ROR2: variants seen among roughly 807,000 people sequenced by gnomAD.
ROR2 encodes ROR family WNT receptor 2, also known as tyrosine-protein kinase transmembrane receptor ROR2.
In ROR2, 33 loss-of-function variants were observed where a neutral mutation model predicts 74.9. The ratio of observed to expected loss-of-function variants is 0.44; its 90% confidence interval spans 0.33 to 0.59. The LOEUF (loss-of-function observed/expected upper bound fraction) is 0.59. Ranked by LOEUF, ROR2 falls within the 20% of genes least tolerant of loss-of-function variation. The probability of loss-of-function intolerance (pLI) is 0.02; values close to 1 mark genes in which losing one functional copy is unlikely to be tolerated. For synonymous variants in ROR2, 586 were observed against 558.7 expected (o/e 1.05, Z -0.69); for missense variants, 1,216 against 1,313.8 (o/e 0.93, Z 1.15).
intron 1 of ROR2, among the ~76,000 whole-genome samples, chr9:91,896,950 T>C (rs1830551932): frequency 6.6e-6 from 1 of 152,132 alleles, no homozygotes; most frequent in Admixed American, 6.5e-5. Context: ...TCTCCCTAAG[T>C]CCTCTCTGCC....
At chr9:91,947,030 A>C (rs889044999) in intron 1 of ROR2, among the ~76,000 whole-genome samples, 8 of 152,238 alleles carry the variant, frequency 5.3e-5, no homozygotes, top group Non-Finnish European at 1.2e-4. Context: ...CACACTTAAG[A>C]GAGAGACATA....
At position 91,726,455 on chromosome 9, in the gene ROR2, A is replaced by AT. The variant is rs144966625; in HGVS notation, c.1386+85dup. 2,402 of 1,270,238 alleles carry AT rather than the reference A, an allele frequency of 1.9e-3. 33 individuals carry two copies. The African/African-American group carries it at 0.03, about 16-fold the overall frequency. 78.7% of individuals were successfully genotyped at this position (1,270,238 alleles called of 1,614,324 possible). On this transcript the variant is annotated intron_variant, in intron 8 of 8. Transcript: ENST00000375708. ...TAATTATGTGCTATGTATCAAGTAA[A>AT]TTAAGACATTTAATGTTGGGGGAAA...
Position 91,725,123 on chromosome 9 carries a change from G to T in ROR2, c.1387-16C>A. 6.2e-7 allele frequency: 1 copy of T among 1,612,824 alleles called. No homozygotes were observed. Among genetic ancestry groups the T allele is most frequent in the Non-Finnish European group, 8.5e-7 (1 of 1,180,018 alleles). On this transcript the variant is annotated splice_polypyrimidine_tract_variant and intron_variant, in intron 8 of 8. Transcript: ENST00000375708. ...TGAGTTTGGCCTGTCAAGAAGAAAAGCCCCACGTGAAACATCACTGTCACC... is the reference window on the plus strand; with the variant it reads ...TGAGTTTGGCCTGTCAAGAAGAAAATCCCCACGTGAAACATCACTGTCACC...
chr9:91,904,007 G>A (rs1243799621), intron 1 of ROR2, among the ~76,000 whole-genome samples: 1 of 151,454 alleles, frequency 6.6e-6, no homozygotes, highest in East Asian at 1.9e-4. Context: ...GCCCTGACAG[G>A]TCATCCTTTT....
At position 91,778,805 on chromosome 9, in the gene ROR2, CAG is replaced by C. The variant is rs563074869; in HGVS notation, c.98-2989_98-2988del. ...GGTCATTTTCACTGTAAAAACATCA[CAG>C]AGTGGCGAGGTGAAGCCAGAGGGAA... On this transcript the variant is annotated intron_variant, in intron 1 of 8. Transcript: ENST00000375708. Among the ~76,000 whole-genome samples, 164 of 152,294 alleles carry C rather than the reference CAG, an allele frequency of 1.1e-3. 1 individual carries two copies. The highest frequency in any genetic ancestry group is 3.6e-3 in the African/African-American group (148 of 41,566).
intron 2 of ROR2, among the ~76,000 whole-genome samples, chr9:91,772,406 C>A (rs1477506855): frequency 6.6e-6 from 1 of 152,212 alleles, no homozygotes; most frequent in Non-Finnish European, 1.5e-5. Flanking sequence ...GTGCTCCCAT[C>A]TTGAAACTGT....
At chr9:91,749,292 T>C (rs1825531894) in intron 4 of ROR2, among the ~76,000 whole-genome samples, 1 of 152,212 alleles carries the variant, frequency 6.6e-6, no homozygotes, top group Non-Finnish European at 1.5e-5. Context: ...CAACAGAATG[T>C]ATTTTCTCAC....
At chr9:91,857,302 C>T (rs1407520451) in intron 1 of ROR2, among the ~76,000 whole-genome samples, 1 of 152,210 alleles carries the variant, frequency 6.6e-6, no homozygotes, top group African/African-American at 2.4e-5. Flanking sequence ...CAGGAACCAC[C>T]CGCAGCCAGG....
At chr9:91,891,980 A>C (rs1419509598) in intron 1 of ROR2, among the ~76,000 whole-genome samples, 2 of 150,624 alleles carry the variant, frequency 1.3e-5, no homozygotes, top group East Asian at 4.0e-4. Context: ...CCCAGGAGGC[A>C]GAGGTTGCAG....
chr9:91,774,840 A>C (rs1388772003), intron 2 of ROR2, among the ~76,000 whole-genome samples: 1 of 152,222 alleles, frequency 6.6e-6, no homozygotes, highest in Non-Finnish European at 1.5e-5. Flanking sequence ...AAGGAAGTCA[A>C]GATAAAACAA....
At chr9:91,810,713 C>T (rs570963845) in intron 1 of ROR2, among the ~76,000 whole-genome samples, 2 of 152,334 alleles carry the variant, frequency 1.3e-5, no homozygotes, top group South Asian at 2.1e-4. Flanking sequence ...CAGGCAGCAC[C>T]GGGAGCCCTG....
At chr9:91,738,575 G>C (rs545652164) in intron 4 of ROR2, among the ~76,000 whole-genome samples, 22 of 152,230 alleles carry the variant, frequency 1.4e-4, no homozygotes, top group Admixed American at 1.2e-3. Flanking sequence ...CAATCCACAA[G>C]GTAAACAGCA....
intron 1 of ROR2, among the ~76,000 whole-genome samples, chr9:91,898,265 T>G (rs567466632): frequency 6.6e-6 from 1 of 152,348 alleles, no homozygotes; most frequent in South Asian, 2.1e-4. Context: ...AGGTGACCTG[T>G]GGCCAACTAA....
chr9:91,724,467 C>T lies in ROR2; in HGVS notation c.2027G>A (p.Trp676Ter). ...CTCCCACAGGACCACACCGTAGGAC[C>T]AGATGTCTGAGTCGATGGAGAACTT... The part of the protein sequence containing the change: ...YGKFSIDSDI[W>*]SYGVVLWEVF... Residue 676 changes from tryptophan to a stop codon, truncating the protein, a stop_gained, in exon 9 of 9, where the codon TGG (tryptophan) becomes TAG (stop). Coordinates refer to ENST00000375708, the MANE Select transcript of ROR2 (RefSeq NM_004560.4). LOFTEE classifies it high-confidence loss of function. The T allele has an allele frequency of 1.9e-6, 3 of 1,614,190 alleles. No homozygotes were observed. The highest frequency in any genetic ancestry group is 2.5e-6 in the Non-Finnish European group (3 of 1,180,032).
At chr9:91,771,856 A>G (rs1322683454) in intron 2 of ROR2, among the ~76,000 whole-genome samples, 1 of 152,252 alleles carries the variant, frequency 6.6e-6, no homozygotes, top group Non-Finnish European at 1.5e-5. Flanking sequence ...TAAAGCTGTC[A>G]TATCACTGAT....
At chr9:91,845,556 T>C (rs1222989465) in intron 1 of ROR2, among the ~76,000 whole-genome samples, 1 of 152,070 alleles carries the variant, frequency 6.6e-6, no homozygotes, top group South Asian at 2.1e-4. Flanking sequence ...ATGGTTTTAA[T>C]CAGCTTTGCT....
At chr9:91,793,487 G>A (rs1827068875) in intron 1 of ROR2, among the ~76,000 whole-genome samples, 2 of 152,086 alleles carry the variant, frequency 1.3e-5, no homozygotes, top group Admixed American at 1.3e-4. Context: ...GTTCATTAAT[G>A]AGAAAAAAGA....
At chr9:91,772,032 GC>G (rs1402030759) in intron 2 of ROR2, among the ~76,000 whole-genome samples, 4 of 152,340 alleles carry the variant, frequency 2.6e-5, no homozygotes, top group African/African-American at 9.6e-5. Flanking sequence ...AGCTCTATGA[GC>G]AAAAACGTGC....
chr9:91,726,497 A>G, intron 8 of ROR2, 44 bp downstream of exon 8: 2 of 1,565,046 alleles, frequency 1.3e-6, no homozygotes, highest in Non-Finnish European at 1.8e-6. Context: ...CTGAGGATTA[A>G]ACCTGGAAGA....
Sources: allele counts gnomAD v4.1 joint callset (sites outside exome capture counted in the v4.1 genomes callset), GRCh38; gene constraint gnomAD v4.1.1; transcripts MANE v1.5; gene names NCBI Gene and HGNC (gene_info 2026-07-23, HGNC 2026-07-21).